ENOX1: variants seen among roughly 807,000 people sequenced by gnomAD.
ENOX1 encodes the protein ecto-NOX disulfide-thiol exchanger 1, also known as candidate growth-related and time keeping constitutive hydroquinone (NADH) oxidase.
In ENOX1, 42 loss-of-function variants were observed where a neutral mutation model predicts 82.5. The observed-to-expected ratio is 0.51, with a 90% confidence interval of 0.40 to 0.66. ENOX1 has a LOEUF of 0.66. ENOX1 is among the 30% of genes least tolerant of loss of function. The probability of loss-of-function intolerance (pLI) is 0.00; values close to 1 mark genes in which losing one functional copy is unlikely to be tolerated. For synonymous variants in ENOX1, 271 were observed against 282.2 expected (o/e 0.96, Z 0.40); for missense variants, 608 against 811.6 (o/e 0.75, Z 3.05).
At chr13:43,680,754 ATCCC>A (rs765253338) in intron 1 of ENOX1, among the ~76,000 whole-genome samples, 2 of 152,212 alleles carry the variant, frequency 1.3e-5, no homozygotes, top group African/African-American at 4.8e-5. Context: ...GGTTAGTATC[ATCCC>A]TGTGAACATA....
chr13:43,381,411 T>C (rs2052030511), intron 5 of ENOX1, among the ~76,000 whole-genome samples: 1 of 148,464 alleles, frequency 6.7e-6, no homozygotes, highest in Non-Finnish European at 1.5e-5. Context: ...TTTAAGGCAC[T>C]AAATGCTTAT....
At chr13:43,695,167 G>A (rs1403133536) in intron 1 of ENOX1, among the ~76,000 whole-genome samples, 2 of 151,940 alleles carry the variant, frequency 1.3e-5, no homozygotes, top group African/African-American at 2.4e-5. Flanking sequence ...AGAGTGATAT[G>A]TTCACAAAGA....
At chr13:43,627,809 TA>T (rs1295906817) in intron 2 of ENOX1, among the ~76,000 whole-genome samples, 2 of 152,068 alleles carry the variant, frequency 1.3e-5, no homozygotes, top group Non-Finnish European at 2.9e-5. Flanking sequence ...TTAAGGTGAC[TA>T]AATCCCTTCG....
rs191188361 is a variant in ENOX1, at chr13:43,663,401, C to T, written c.-219+4078G>A. Among the ~76,000 whole-genome samples, 523 of 152,252 alleles carry T rather than the reference C, an allele frequency of 3.4e-3. 4 individuals are homozygous for T. The highest frequency in any genetic ancestry group is 0.012 in the African/African-American group (497 of 41,560). ...AGAAACATGCCCTGCCCCCTCATAC[C>T]ACTCTGCTAATCTCCCCTCTGTTTC... On this transcript the variant is annotated intron_variant, in intron 2 of 16. Transcript: ENST00000690772.
intron 2 of ENOX1, among the ~76,000 whole-genome samples, chr13:43,606,119 C>A (rs1286110115): frequency 6.6e-6 from 1 of 152,100 alleles, no homozygotes; most frequent in African/African-American, 2.4e-5. Flanking sequence ...TATCATGTCA[C>A]CCCAGTTAAA....
At chr13:43,411,672 G>A (rs1339772849) in intron 5 of ENOX1, among the ~76,000 whole-genome samples, 2 of 152,156 alleles carry the variant, frequency 1.3e-5, no homozygotes, top group African/African-American at 2.4e-5. Flanking sequence ...TTTAAAAAAC[G>A]CAATTGATGT....
chr13:43,471,671 G>A (rs771784597), intron 3 of ENOX1, among the ~76,000 whole-genome samples: 4 of 151,914 alleles, frequency 2.6e-5, no homozygotes, highest in African/African-American at 7.3e-5. Flanking sequence ...TTAGCCTGGC[G>A]TGGTGGCAGG....
chr13:43,451,874 T>A (rs572323789), intron 3 of ENOX1, among the ~76,000 whole-genome samples: 10 of 152,288 alleles, frequency 6.6e-5, no homozygotes, highest in African/African-American at 2.2e-4. Context: ...TATTCCAGTA[T>A]GAAGATAGAT....
chr13:43,387,626 G>A (rs2052502044), intron 5 of ENOX1, among the ~76,000 whole-genome samples: 1 of 151,636 alleles, frequency 6.6e-6, no homozygotes, highest in Non-Finnish European at 1.5e-5. Context: ...GAAAAAGAAA[G>A]GTTTAAAAAT....
At chr13:43,722,089 T>C (rs1414211230) in intron 1 of ENOX1, among the ~76,000 whole-genome samples, 1 of 152,236 alleles carries the variant, frequency 6.6e-6, no homozygotes, top group Non-Finnish European at 1.5e-5. Context: ...TTATTAGCTA[T>C]ATAACCAAAC....
At chr13:43,223,456 A>G (rs2041886204) in intron 16 of ENOX1, among the ~76,000 whole-genome samples, 1 of 152,178 alleles carries the variant, frequency 6.6e-6, no homozygotes, top group African/African-American at 2.4e-5. Flanking sequence ...GCGGTGGGGT[A>G]GGAGTACAGC....
At chr13:43,751,922 GT>G (rs1950343177) in intron 1 of ENOX1, among the ~76,000 whole-genome samples, 1 of 152,160 alleles carries the variant, frequency 6.6e-6, no homozygotes, top group South Asian at 2.1e-4. Flanking sequence ...GAGTCATGTG[GT>G]AGGTATATGT....
chr13:43,343,402 C>G (rs953761360), intron 9 of ENOX1, among the ~76,000 whole-genome samples: 1 of 152,184 alleles, frequency 6.6e-6, no homozygotes, highest in South Asian at 2.1e-4. Context: ...AGACAGAAGT[C>G]TTATTTTTCC....
chr13:43,628,350 GT>G (rs1169353555), intron 2 of ENOX1, among the ~76,000 whole-genome samples: 1 of 152,108 alleles, frequency 6.6e-6, no homozygotes, highest in Non-Finnish European at 1.5e-5. Context: ...ATGTCTTCCA[GT>G]TATTGATGCC....
At chr13:43,257,156 G>A (rs1348485609) in intron 14 of ENOX1, among the ~76,000 whole-genome samples, 3 of 152,200 alleles carry the variant, frequency 2.0e-5, no homozygotes, top group African/African-American at 4.8e-5. Context: ...TCCAGGCAGG[G>A]TTAGGGTTGG....
At chr13:43,651,558 G>C (rs983226199) in intron 2 of ENOX1, among the ~76,000 whole-genome samples, 10 of 151,790 alleles carry the variant, frequency 6.6e-5, no homozygotes, top group African/African-American at 2.2e-4. Context: ...TTAGCTGAGT[G>C]TGGTGGCAGG....
intron 11 of ENOX1, among the ~76,000 whole-genome samples, chr13:43,312,185 A>G (rs532714465): frequency 1.6e-3 from 248 of 152,290 alleles, no homozygotes; most frequent in Non-Finnish European, 2.8e-3. Flanking sequence ...GGGGGAAGGG[A>G]GAAGACATAT....
intron 2 of ENOX1, among the ~76,000 whole-genome samples, chr13:43,605,339 C>A (rs999269647): frequency 6.6e-6 from 1 of 151,944 alleles, no homozygotes; most frequent in African/African-American, 2.4e-5. Context: ...CACAAAAGAT[C>A]CAAAATAGCC....
At chr13:43,466,964 C>T (rs2057753462) in intron 3 of ENOX1, among the ~76,000 whole-genome samples, 1 of 152,132 alleles carries the variant, frequency 6.6e-6, no homozygotes, top group Non-Finnish European at 1.5e-5. Flanking sequence ...GTATTCCATT[C>T]TGATTTTAGG....
Sources: allele counts gnomAD v4.1 joint callset (sites outside exome capture counted in the v4.1 genomes callset), GRCh38; gene constraint gnomAD v4.1.1; transcripts MANE v1.5; gene names NCBI Gene and HGNC (gene_info 2026-07-23, HGNC 2026-07-21).